Variants in PCLAF observed in about 807,000 individuals in gnomAD.
PCLAF encodes the protein PCNA-associated factor.
In PCLAF, 12 loss-of-function variants were observed where a neutral mutation model predicts 15.1. The ratio of observed to expected loss-of-function variants is 0.79; its 90% CI spans 0.51 to 1.29. PCLAF has a LOEUF of 1.29. PCLAF is among the 50% of genes most tolerant of loss of function. PCLAF has a pLI of 0.00. For synonymous variants in PCLAF, 33 were observed against 47.1 expected, an observed-to-expected ratio of 0.70 and a Z score of 1.22; for missense variants, 116 against 130.9, an observed-to-expected ratio of 0.89 and a Z score of 0.56.
chr15:64,367,199 T>C (rs1224398471), intron 3 of PCLAF, among the ~76,000 whole-genome samples: 1 of 152,040 alleles, frequency 6.6e-6, no homozygotes, highest in Middle Eastern at 3.4e-3. Context: ...TTTTGAAAAA[T>C]AATTTACATT....
intron 2 of PCLAF, among the ~76,000 whole-genome samples, chr15:64,379,364 A>G (rs1899738959): frequency 6.6e-6 from 1 of 152,086 alleles, no homozygotes; most frequent in Non-Finnish European, 1.5e-5. Flanking sequence ...CTACAGTCCC[A>G]GCTACTTGGG....
chr15:64,380,519 A>G (rs1480568658), intron 2 of PCLAF, among the ~76,000 whole-genome samples: 1 of 152,020 alleles, frequency 6.6e-6, no homozygotes, highest in Admixed American at 6.6e-5. Flanking sequence ...CTTAGGCAAC[A>G]TAGTGAGACC....
chr15:64,387,603 C>A, exon 1 of PCLAF: 1 of 1,383,076 alleles, frequency 7.2e-7, no homozygotes, highest in South Asian at 1.5e-5. Flanking sequence ...TTGCCAATGG[C>A]CTTCCTCGAG....
At position 64,377,491 on chromosome 15, in the gene PCLAF, ATATATATAT is replaced by A. The variant is rs1899654941; in HGVS notation, c.128-595_128-587del. On this transcript the variant is annotated intron_variant, in intron 2 of 3. Coordinates refer to ENST00000300035, the MANE Select transcript of PCLAF (RefSeq NM_014736.6). ...GTCTCAAAAAAAAAAAAAAAAAAAT[ATATATATAT>A]ATATATATATATATATATATATATA... Among the ~76,000 whole-genome samples, 142 of 18,390 alleles carry A rather than the reference ATATATATAT, an allele frequency of 7.7e-3. 12 individuals carry two copies. Among genetic ancestry groups the A allele is most frequent in the African/African-American group, 0.015 (75 of 4,856 alleles). 12.1% of individuals were successfully genotyped at this position (18,390 alleles called of 152,430 possible). A position where few individuals can be genotyped will look rare whatever the true frequency, so the allele number is the denominator to read the frequency against.
At chr15:64,374,123 A>G (rs537678764) in intron 3 of PCLAF, among the ~76,000 whole-genome samples, 1 of 152,214 alleles carries the variant, frequency 6.6e-6, no homozygotes, top group Non-Finnish European at 1.5e-5. Flanking sequence ...ATATTTTCAT[A>G]TAGTACATAT....
At chr15:64,385,372 T>A (rs1185525770), upstream of PCLAF, among the ~76,000 whole-genome samples, 2 of 152,162 alleles carry the variant, frequency 1.3e-5, no homozygotes, top group Non-Finnish European at 2.9e-5. Flanking sequence ...GGGCTTGTAA[T>A]CCCAGCACTT....
chr15:64,367,696 C>T lies in PCLAF; in HGVS notation c.291-1621G>A, dbSNP rs1047658773. Among the ~76,000 whole-genome samples the T allele has an allele frequency of 5.3e-5, 8 of 151,420 alleles. No homozygotes were observed. The South Asian group carries it at 1.0e-3, about 20-fold the overall frequency. On this transcript the variant is annotated intron_variant, in intron 3 of 3. Coordinates refer to ENST00000300035, the MANE Select transcript of PCLAF (RefSeq NM_014736.6). ...CCAAGTAGCTGGGATTACAGACATA[C>T]GCCACCATGCCCACCTAATTTTTTT... is the stretch of plus-strand genomic sequence containing the variant.
In PCLAF at chr15:64,366,090, G is replaced by GAGAA. The variant is rs759314657; in HGVS notation, c.291-19_291-16dup. On this transcript the variant is annotated splice_polypyrimidine_tract_variant and intron_variant, in intron 3 of 3. Transcript: ENST00000300035. ...AAGGACATGCTCTGTGAAAAGAAGAGAGAACATCAATAGCCATCCAAGTAT... is the reference window on the plus strand; with the variant it reads ...AAGGACATGCTCTGTGAAAAGAAGAGAGAAAGAACATCAATAGCCATCCAAGTAT... The GAGAA allele has an allele frequency of 6.2e-7, 1 of 1,601,322 alleles. No homozygotes were observed. Among genetic ancestry groups the GAGAA allele is most frequent in the East Asian group, 2.2e-5 (1 of 44,556 alleles).
chr15:64,369,851 C>A (rs940464948), intron 3 of PCLAF, among the ~76,000 whole-genome samples: 3 of 152,054 alleles, frequency 2.0e-5, no homozygotes, highest in Non-Finnish European at 4.4e-5. Flanking sequence ...AATGTACAAT[C>A]CAAAACAGAT....
chr15:64,375,419 G>T (rs1367394044), intron 3 of PCLAF, among the ~76,000 whole-genome samples: 1 of 151,870 alleles, frequency 6.6e-6, no homozygotes, highest in African/African-American at 2.4e-5. Flanking sequence ...ACTGTGCCAG[G>T]CCTATTTTTG....
At chr15:64,371,409 GCACT>G (rs1389230428) in intron 3 of PCLAF, among the ~76,000 whole-genome samples, 1 of 152,068 alleles carries the variant, frequency 6.6e-6, no homozygotes, top group African/African-American at 2.4e-5. Context: ...GGGATTACAG[GCACT>G]CACCACCACG....
upstream of PCLAF, among the ~76,000 whole-genome samples, chr15:64,385,023 G>C (rs2140537226): frequency 6.6e-6 from 1 of 152,018 alleles, no homozygotes; most frequent in East Asian, 1.9e-4. Flanking sequence ...AAGTAGCTGG[G>C]AACACAGGAG....
chr15:64,377,246 T>C (rs1161768416), intron 2 of PCLAF, among the ~76,000 whole-genome samples: 2 of 150,988 alleles, frequency 1.3e-5, no homozygotes. Flanking sequence ...GGAGGGTGGA[T>C]CACAAGGTCA....
At chr15:64,379,246 G>T (rs1178823572) in intron 2 of PCLAF, among the ~76,000 whole-genome samples, 1 of 152,074 alleles carries the variant, frequency 6.6e-6, no homozygotes, top group East Asian at 1.9e-4. Flanking sequence ...GTAGGCTGAG[G>T]CGGGAGGATT....
At chr15:64,376,327 CTT>C (rs1235810036) in intron 3 of PCLAF, among the ~76,000 whole-genome samples, 4 of 151,942 alleles carry the variant, frequency 2.6e-5, no homozygotes, top group Non-Finnish European at 4.4e-5. Flanking sequence ...TGAAGAGAAA[CTT>C]GACTCAATAT....
chr15:64,367,165 T>C (rs1899069442), intron 3 of PCLAF, among the ~76,000 whole-genome samples: 1 of 151,754 alleles, frequency 6.6e-6, no homozygotes, highest in Non-Finnish European at 1.5e-5. Flanking sequence ...AACCCCAAAA[T>C]TGTTAGCATA....
At position 64,377,488 on chromosome 15, in the gene PCLAF, AATATATAT is replaced by A. The variant is rs1166593614; in HGVS notation, c.128-591_128-584del. ...TCTGTCTCAAAAAAAAAAAAAAAAA[AATATATAT>A]ATATATATATATATATATATATATA... On this transcript the variant is annotated intron_variant, in intron 2 of 3. Coordinates refer to ENST00000300035, the MANE Select transcript of PCLAF (RefSeq NM_014736.6). Among the ~76,000 whole-genome samples the A allele has an allele frequency of 7.5e-3, 219 of 29,064 alleles. 2 individuals carry two copies. The highest frequency in any genetic ancestry group is 9.3e-3 in the South Asian group (4 of 432). 19.1% of individuals were successfully genotyped at this position (29,064 alleles called of 152,430 possible).
intron 3 of PCLAF, among the ~76,000 whole-genome samples, chr15:64,368,446 G>C (rs1197404880): frequency 6.6e-6 from 1 of 152,086 alleles, no homozygotes; most frequent in East Asian, 1.9e-4. Context: ...GACTTCCTTT[G>C]TGCAAGCGCC....
At chr15:64,381,118 G>T in intron 1 of PCLAF, 80 bp from the exon 2 acceptor site, 1 of 1,403,112 alleles carries the variant, frequency 7.1e-7, no homozygotes. Context: ...GCAGCTTGGA[G>T]AGGAGAGCCT....
Sources: gnomAD v4.1 joint callset for allele counts (sites outside exome capture counted in the v4.1 genomes callset) on GRCh38, gnomAD v4.1.1 for gene constraint, MANE v1.5 for transcripts, NCBI Gene and HGNC (gene_info 2026-07-23, HGNC 2026-07-21) for gene names.